RGL1: variants seen among roughly 807,000 people sequenced by gnomAD.
RGL1 encodes ral guanine nucleotide dissociation stimulator-like 1.
In RGL1, 24 loss-of-function variants were observed where a neutral mutation model predicts 95.2. The ratio of observed to expected loss-of-function variants is 0.25; its 90% CI spans 0.18 to 0.35. The LOEUF (loss-of-function observed/expected upper bound fraction) is 0.35, where lower values mean the gene tolerates loss of function less well. Ranked by LOEUF, RGL1 falls within the 10% of genes least tolerant of loss-of-function variation. The pLI is 1.00. For synonymous variants in RGL1, 329 were observed against 344.9 expected (o/e 0.95, Z 0.51); for missense variants, 715 against 936.3 (o/e 0.76, Z 3.08).
At chr1:183,864,785 T>A (rs541563736) in intron 3 of RGL1, among the ~76,000 whole-genome samples, 2 of 152,190 alleles carry the variant, frequency 1.3e-5, no homozygotes, top group African/African-American at 4.8e-5. Flanking sequence ...GGTGGATGGG[T>A]GAGCTGGTGC....
intron 2 of RGL1, among the ~76,000 whole-genome samples, chr1:183,768,850 T>C (rs1203171503): frequency 1.3e-5 from 2 of 152,226 alleles, no homozygotes; most frequent in Non-Finnish European, 2.9e-5. Flanking sequence ...CAATTCTTAT[T>C]CTTAGTATCC....
At chr1:183,655,318 G>T (rs1045172222) in intron 1 of RGL1, among the ~76,000 whole-genome samples, 4 of 152,124 alleles carry the variant, frequency 2.6e-5, no homozygotes, top group Admixed American at 6.5e-5. Context: ...CTTTCTCTTT[G>T]GGTGGCAGGA....
At chr1:183,885,853 C>T (rs1300263972) in intron 7 of RGL1, among the ~76,000 whole-genome samples, 1 of 151,952 alleles carries the variant, frequency 6.6e-6, no homozygotes, top group Admixed American at 6.6e-5. Flanking sequence ...GAAATCATTT[C>T]TGATGGGATG....
rs551008973 is a variant in RGL1 at position 183,668,935 on chromosome 1, C to CTTTTT, written c.-33+32438_-33+32439insTTTTT. Among the ~76,000 whole-genome samples, 215 of 115,492 alleles carry CTTTTT rather than the reference C, an allele frequency of 1.9e-3. 11 individuals are homozygous for CTTTTT. The highest frequency in any genetic ancestry group is 2.7e-3 in the Non-Finnish European group (147 of 55,418). The allele number at this position is 115,492 out of a possible 152,430, so 75.8% of individuals were successfully genotyped here. A position where few individuals can be genotyped will look rare whatever the true frequency, so the allele number is the denominator to read the frequency against. On this transcript the variant is annotated intron_variant, in intron 1 of 18. Coordinates refer to the RGL1 transcript ENST00000304685. ...CTTTTTGCTTTTGGTATTGGACTTT[C>CTTTTT]TTTTCTTTTTTTTTTTTTTTGAGAT...
chr1:183,828,093 T>TC (rs1243257929), intron 2 of RGL1, among the ~76,000 whole-genome samples: 13 of 152,236 alleles, frequency 8.5e-5, no homozygotes, highest in African/African-American at 2.7e-4. Flanking sequence ...GTTGCAACTT[T>TC]TTTTTAATAG....
chr1:183,907,719 T>C lies in RGL1; in HGVS notation c.1562+618T>C, dbSNP rs909776008. Among the ~76,000 whole-genome samples the C allele has an allele frequency of 4.6e-5, 7 of 152,200 alleles. 1 individual carries two copies. The highest frequency in any genetic ancestry group is 2.0e-4 in the Admixed American group (3 of 15,266). On this transcript the variant is annotated intron_variant, in intron 14 of 17. Coordinates refer to ENST00000360851, the MANE Select transcript of RGL1 (RefSeq NM_001297671.3). ...ATACTAGCTGCTTCCTCCAGTGGAA[T>C]GTAAGCAACCTGAGAACAGGAACCT...
chr1:183,862,931 C>A (rs1665600442), intron 3 of RGL1, among the ~76,000 whole-genome samples: 1 of 152,080 alleles, frequency 6.6e-6, no homozygotes, highest in Admixed American at 6.6e-5. Context: ...GTATTAAAAG[C>A]CATAGAGAAA....
At chr1:183,878,038 G>T (rs1666609367) in intron 4 of RGL1, among the ~76,000 whole-genome samples, 1 of 152,082 alleles carries the variant, frequency 6.6e-6, no homozygotes, top group African/African-American at 2.4e-5. Flanking sequence ...TCCAGTAGAA[G>T]AATACTTAAT....
At chr1:183,648,097 TTTCA>T in intron 1 of RGL1, 1 of 1,614,238 alleles carries the variant, frequency 6.2e-7, no homozygotes, top group South Asian at 1.1e-5. Context: ...ATGGCATTGA[TTTCA>T]TATGCGTTGT....
chr1:183,822,886 G>C (rs1465853075), intron 2 of RGL1, among the ~76,000 whole-genome samples: 1 of 152,082 alleles, frequency 6.6e-6, no homozygotes, highest in Non-Finnish European at 1.5e-5. Context: ...AGCTAACTGG[G>C]CTATTTTCCT....
intron 2 of RGL1, among the ~76,000 whole-genome samples, chr1:183,753,314 T>C (rs549083421): frequency 1.7e-3 from 254 of 152,362 alleles, no homozygotes; most frequent in Non-Finnish European, 2.5e-3. Flanking sequence ...TTTTGTTTTG[T>C]TCTTTAAAAA....
Position 183,805,193 on chromosome 1 carries a change from C to A in RGL1, c.-105C>A. 1.3e-6 allele frequency: 2 copies of A among 1,495,112 alleles called. No homozygotes were observed. The highest frequency in any genetic ancestry group is 1.8e-6 in the Non-Finnish European group (2 of 1,111,584). The allele number at this position is 1,495,112 out of a possible 1,614,324, so 92.6% of individuals were successfully genotyped here. A position where few individuals can be genotyped will look rare whatever the true frequency, so the allele number is the denominator to read the frequency against. On this transcript the variant is annotated 5_prime_UTR_variant, in exon 1 of 18. Transcript: ENST00000360851. ...GTCTGTGCGCTGCGGTCGCTCGGGACCGGGACCGGGGCGAGGCGCCGCGGG... is the reference window on the plus strand; with the variant it reads ...GTCTGTGCGCTGCGGTCGCTCGGGAACGGGACCGGGGCGAGGCGCCGCGGG...
chr1:183,671,846 T>G (rs1222902592), intron 1 of RGL1, among the ~76,000 whole-genome samples: 8 of 152,194 alleles, frequency 5.3e-5, no homozygotes, highest in Non-Finnish European at 1.0e-4. Context: ...GTGGTTGCTG[T>G]TGAGAAATTC....
chr1:183,636,865 A>G (rs1649572764), intron 1 of RGL1, among the ~76,000 whole-genome samples: 1 of 152,218 alleles, frequency 6.6e-6, no homozygotes, highest in Non-Finnish European at 1.5e-5. Flanking sequence ...TACACTGAAG[A>G]ACAAATATTT....
intron 15 of RGL1, 72 bp from the exon 16 acceptor site, chr1:183,916,375 T>C: frequency 6.4e-7 from 1 of 1,560,322 alleles, no homozygotes; most frequent in East Asian, 2.2e-5. Context: ...TATCTACCTC[T>C]GCTTTGAAAA....
intron 1 of RGL1, chr1:183,648,531 G>T (rs529403451): frequency 1.2e-6 from 2 of 1,614,158 alleles, no homozygotes; most frequent in Non-Finnish European, 1.7e-6. Context: ...GCAACTGCTA[G>T]CATGGCCCTT....
chr1:183,867,524 T>TG (rs1372186981), intron 4 of RGL1, among the ~76,000 whole-genome samples: 1 of 151,908 alleles, frequency 6.6e-6, no homozygotes, highest in Non-Finnish European at 1.5e-5. Context: ...GATGGAAAGG[T>TG]GGGCAAGAGA....
At chr1:183,759,654 A>G (rs1658546837) in intron 2 of RGL1, among the ~76,000 whole-genome samples, 1 of 152,196 alleles carries the variant, frequency 6.6e-6, no homozygotes, top group Non-Finnish European at 1.5e-5. Flanking sequence ...TGGGACACAT[A>G]CCTCTAGTCA....
chr1:183,848,103 G>A (rs951891696), intron 3 of RGL1, among the ~76,000 whole-genome samples: 2 of 152,136 alleles, frequency 1.3e-5, no homozygotes, highest in Non-Finnish European at 1.5e-5. Flanking sequence ...TAAATAATCA[G>A]TTGACCAAGA....
Sources: allele counts gnomAD v4.1 joint callset (sites outside exome capture counted in the v4.1 genomes callset), GRCh38; gene constraint gnomAD v4.1.1; transcripts MANE v1.5; gene names NCBI Gene and HGNC (gene_info 2026-07-23, HGNC 2026-07-21).